The following RERG variants were observed in gnomAD, a reference collection of about 807,000 sequenced individuals.
RERG encodes RAS like estrogen regulated growth inhibitor.
Under a neutral mutation model 23.2 loss-of-function variants are expected in RERG, and 25 were observed. The observed-to-expected ratio is 1.08, with a 90% CI of 0.79 to 1.50. The LOEUF (loss-of-function observed/expected upper bound fraction) is 1.50, where lower values mean the gene tolerates loss of function less well. Among genes scored for constraint, RERG ranks in the 40% most tolerant of loss-of-function variants. RERG has a pLI of 0.00. For missense variants in RERG, 253 were observed against 250.1 expected (o/e 1.01, Z -0.08); for synonymous variants, 81 against 89.1 (o/e 0.91, Z 0.51).
chr12:15,137,927 C>G (rs760558221), intron 2 of RERG: 1 of 415,890 alleles, frequency 2.4e-6, no homozygotes, highest in South Asian at 1.8e-5. Context: ...TGTATCGTAT[C>G]ATTTTTTTTT....
intron 2 of RERG, among the ~76,000 whole-genome samples, chr12:15,133,581 A>G (rs896622730): frequency 4.6e-5 from 7 of 152,074 alleles, no homozygotes; most frequent in Non-Finnish European, 1.0e-4. Context: ...AGGGACATAC[A>G]TTTTCAGACT....
chr12:15,155,263 C>A (rs1317379058), intron 2 of RERG: 1 of 152,040 alleles, frequency 6.6e-6, no homozygotes, highest in Non-Finnish European at 1.5e-5. Context: ...TAGGTGTGAC[C>A]AGAACCTGCC....
intron 2 of RERG, among the ~76,000 whole-genome samples, chr12:15,196,597 A>C (rs1246393663): frequency 6.6e-6 from 1 of 152,126 alleles, no homozygotes; most frequent in Non-Finnish European, 1.5e-5. Flanking sequence ...CAACTCAAAC[A>C]CATGAATGAG....
rs1490058177 is a variant in RERG at position 15,108,501 on chromosome 12, G to C, written c.*609C>G. ...GAGAGTTAGGGTGTAATGATCAATA[G>C]ATCATTGAGAGAACCAACTCAAATT... On this transcript the variant is annotated 3_prime_UTR_variant, in exon 5 of 5. Coordinates refer to ENST00000256953, the MANE Select transcript of RERG (RefSeq NM_032918.3). 1 of 152,610 alleles carries C rather than the reference G, an allele frequency of 6.6e-6. No homozygotes were observed. Among genetic ancestry groups the C allele is most frequent in the Non-Finnish European group, 1.5e-5 (1 of 68,038 alleles). 9.5% of individuals were successfully genotyped at this position (152,610 alleles called of 1,614,324 possible). A position where few individuals can be genotyped will look rare whatever the true frequency, so the allele number is the denominator to read the frequency against.
intron 2 of RERG, among the ~76,000 whole-genome samples, chr12:15,201,021 A>C (rs528336678): frequency 6.6e-6 from 1 of 152,044 alleles, no homozygotes; most frequent in South Asian, 2.1e-4. Flanking sequence ...ATGAAATCAT[A>C]GGCAGAATTT....
intron 2 of RERG, among the ~76,000 whole-genome samples, chr12:15,159,317 T>C (rs941549198): frequency 6.6e-6 from 1 of 152,222 alleles, no homozygotes; most frequent in Non-Finnish European, 1.5e-5. Flanking sequence ...ACCACAATAG[T>C]AGTTCATGCT....
At chr12:15,170,060 C>T (rs774038466) in intron 2 of RERG, among the ~76,000 whole-genome samples, 61 of 151,500 alleles carry the variant, frequency 4.0e-4, no homozygotes, top group Non-Finnish European at 6.3e-4. Context: ...TTATAAAACC[C>T]GCCAGATTCA....
chr12:15,163,749 C>A (rs1161551601), intron 2 of RERG, among the ~76,000 whole-genome samples: 1 of 152,188 alleles, frequency 6.6e-6, no homozygotes, highest in Non-Finnish European at 1.5e-5. Flanking sequence ...AGCCCAGCAT[C>A]TGGAGCTGTC....
At chr12:15,157,243 G>A (rs1190708888) in intron 2 of RERG, among the ~76,000 whole-genome samples, 1 of 152,208 alleles carries the variant, frequency 6.6e-6, no homozygotes, top group African/African-American at 2.4e-5. Context: ...GATGCTCAGG[G>A]CATACCAGAA....
Position 15,148,887 on chromosome 12 carries a change from T to TTTTTTTTTTTTTTTTTTTTTTTTG in RERG, c.62-27769_62-27768insCAAAAAAAAAAAAAAAAAAAAAAA, listed in dbSNP as rs1156302513. On this transcript the variant is annotated intron_variant, in intron 2 of 4. Coordinates refer to ENST00000256953, the MANE Select transcript of RERG (RefSeq NM_032918.3). ...TTTTTTTTTTTTTTTTTTTTTTTTTTAGACAGAGTCTAGCTCTGTCACCCA... is the reference window on the plus strand; with the variant it reads ...TTTTTTTTTTTTTTTTTTTTTTTTTTTTTTTTTTTTTTTTTTTTTTTTTGAGACAGAGTCTAGCTCTGTCACCCA... Among the ~76,000 whole-genome samples, 3 of 69,474 alleles carry TTTTTTTTTTTTTTTTTTTTTTTTG rather than the reference T, an allele frequency of 4.3e-5. 1 individual carries two copies. Among genetic ancestry groups the TTTTTTTTTTTTTTTTTTTTTTTTG allele is most frequent in the Non-Finnish European group, 9.2e-5 (3 of 32,654 alleles). 45.6% of individuals were successfully genotyped at this position (69,474 alleles called of 152,430 possible).
Position 15,114,311 on chromosome 12 carries a change from A to G in RERG, c.119-2894T>C, listed in dbSNP as rs568458416. ...TTTTGTGCAATATTAAATAGGCTAA[A>G]GACTGGAGAACATATTTGAAACATG... On this transcript the variant is annotated intron_variant, in intron 3 of 4. Coordinates refer to ENST00000256953, the MANE Select transcript of RERG (RefSeq NM_032918.3). Among the ~76,000 whole-genome samples, 19 of 152,300 alleles carry G rather than the reference A, an allele frequency of 1.2e-4. 1 individual carries two copies. Among genetic ancestry groups the G allele is most frequent in the African/African-American group, 4.6e-4 (19 of 41,586 alleles).
chr12:15,135,750 C>T lies in RERG; in HGVS notation c.62-14631G>A, dbSNP rs1864134370. The stretch of plus-strand genomic sequence containing the variant: ...CGGTCTTGCATATTTGGAATAAATT[C>T]CACTTGGTCATGGCATATACACCTT... On this transcript the variant is annotated intron_variant, in intron 2 of 4. Transcript: ENST00000256953. 2.0e-5 allele frequency among the ~76,000 whole-genome samples: 3 copies of T among 152,174 alleles called. No homozygotes were observed. In the South Asian group the frequency reaches 6.2e-4, roughly 32 times the overall value.
rs1863593622 is a variant in RERG at position 15,110,542 on chromosome 12, G to A, written c.192+802C>T. 2.2e-5 allele frequency among the ~76,000 whole-genome samples: 3 copies of A among 137,188 alleles called. No individual in the cohort carries two copies. The South Asian group carries it at 7.2e-4, about 33-fold the overall frequency. The allele number at this position is 137,188 out of a possible 152,430, so 90.0% of individuals were successfully genotyped here. ...CGCCCAGGCTGGAGTGCAGTGGCGC[G>A]ATCTTGGCTCGCTGCAAGCTCCGCC... On this transcript the variant is annotated intron_variant, in intron 4 of 4. Transcript: ENST00000256953.
At position 15,108,891 on chromosome 12, in the gene RERG, T is replaced by G; in HGVS notation, c.*219A>C. ...TGGTGATTACATGTTCAAATGCCAT[T>G]AGAGTGTATCTTATTCAAGCAGGAA... is the stretch of plus-strand genomic sequence containing the variant. On this transcript the variant is annotated 3_prime_UTR_variant, in exon 5 of 5. Coordinates refer to ENST00000256953, the MANE Select transcript of RERG (RefSeq NM_032918.3). The G allele has an allele frequency of 2.0e-6, 1 of 491,040 alleles. No individual in the cohort carries two copies. Among genetic ancestry groups the G allele is most frequent in the Non-Finnish European group, 3.5e-6 (1 of 282,314 alleles). 30.4% of individuals were successfully genotyped at this position (491,040 alleles called of 1,614,324 possible). A position where few individuals can be genotyped will look rare whatever the true frequency, so the allele number is the denominator to read the frequency against.
chr12:15,132,700 A>T (rs1864070129), intron 2 of RERG, among the ~76,000 whole-genome samples: 1 of 152,162 alleles, frequency 6.6e-6, no homozygotes, highest in East Asian at 1.9e-4. Flanking sequence ...TCTCAGCATT[A>T]GAATATAGCT....
chr12:15,211,810 G>C (rs1185374291), intron 2 of RERG, among the ~76,000 whole-genome samples: 2 of 151,990 alleles, frequency 1.3e-5, no homozygotes, highest in Non-Finnish European at 2.9e-5. Context: ...TAGTTACTCT[G>C]TCAACTAAAA....
chr12:15,201,325 C>T (rs1312002896), intron 2 of RERG, among the ~76,000 whole-genome samples: 1 of 151,788 alleles, frequency 6.6e-6, no homozygotes, highest in Non-Finnish European at 1.5e-5. Context: ...GACACCAGAG[C>T]CAAATTGCCT....
At chr12:15,134,345 T>C (rs1864107403) in intron 2 of RERG, among the ~76,000 whole-genome samples, 1 of 152,156 alleles carries the variant, frequency 6.6e-6, no homozygotes, top group Non-Finnish European at 1.5e-5. Context: ...TGCCCAGTTG[T>C]TCCAACATCA....
chr12:15,113,301 A>G (rs191787776), intron 3 of RERG, among the ~76,000 whole-genome samples: 2 of 152,156 alleles, frequency 1.3e-5, no homozygotes. Flanking sequence ...TAAGAAAAGA[A>G]ATAAAAGAAA....
Sources: gnomAD v4.1 joint callset for allele counts (sites outside exome capture counted in the v4.1 genomes callset) on GRCh38, gnomAD v4.1.1 for gene constraint, MANE v1.5 for transcripts, NCBI Gene and HGNC (gene_info 2026-07-23, HGNC 2026-07-21) for gene names.